Variants in WWOX observed in about 807,000 individuals in gnomAD.
WWOX encodes WW domain containing oxidoreductase.
A neutral mutation model predicts 46.2 loss-of-function variants in WWOX; 69 were observed. That is an observed-to-expected ratio of 1.49 (90% CI 1.23 to 1.82). The LOEUF is 1.82. WWOX is among the 40% of genes most tolerant of loss of function. The probability of loss-of-function intolerance (pLI) is 0.00; values close to 1 mark genes in which losing one functional copy is unlikely to be tolerated. For missense variants in WWOX, 919 were observed against 542.6 expected (o/e 1.69, Z -6.89); for synonymous variants, 359 against 202.6 (o/e 1.77, Z -6.56).
rs1467212017 is a variant in WWOX at position 78,470,544 on chromosome 16, G to A, written c.1056+37792G>A. Reference sequence around the variant, plus strand: ...TGTATGTATGCATGTATGTATGTATGTTTGAGACAGAATCTTGCTCTGTCG... The same window carrying A: ...TGTATGTATGCATGTATGTATGTATATTTGAGACAGAATCTTGCTCTGTCG... On this transcript the variant is annotated intron_variant, in intron 8 of 8. Transcript: ENST00000566780. 2.6e-5 allele frequency among the ~76,000 whole-genome samples: 4 copies of A among 151,960 alleles called. No individual in the cohort carries two copies. The East Asian group carries it at 7.8e-4, about 30-fold the overall frequency.
intron 8 of WWOX, among the ~76,000 whole-genome samples, chr16:78,656,269 G>A (rs1462649248): frequency 6.6e-6 from 1 of 152,080 alleles, no homozygotes; most frequent in Non-Finnish European, 1.5e-5. Flanking sequence ...GCTATCTGAT[G>A]AGGCCTTTTT....
intron 6 of WWOX, among the ~76,000 whole-genome samples, chr16:78,412,233 G>A (rs1004506193): frequency 2.6e-5 from 4 of 152,134 alleles, no homozygotes; most frequent in African/African-American, 4.8e-5. Flanking sequence ...TTGTAATCAG[G>A]TGACTGGTTT....
chr16:78,740,577 A>G (rs1441811275), intron 8 of WWOX, among the ~76,000 whole-genome samples: 1 of 152,174 alleles, frequency 6.6e-6, no homozygotes, highest in Admixed American at 6.5e-5. Context: ...TGGTGTGCAG[A>G]GAGCACTCGT....
chr16:78,865,633 A>G (rs926377464), intron 8 of WWOX, among the ~76,000 whole-genome samples: 4 of 152,110 alleles, frequency 2.6e-5, no homozygotes, highest in Non-Finnish European at 5.9e-5. Context: ...TAATCCCAGC[A>G]CTTTGGGAGG....
chr16:78,300,685 G>T (rs995778489), intron 5 of WWOX, among the ~76,000 whole-genome samples: 4 of 152,088 alleles, frequency 2.6e-5, no homozygotes, highest in African/African-American at 9.7e-5. Flanking sequence ...ACCATTTTCA[G>T]CTATGCCATA....
intron 8 of WWOX, among the ~76,000 whole-genome samples, chr16:78,793,418 T>C (rs9940926): frequency 0.14 from 21,223 of 152,104 alleles, 1,624 homozygotes; most frequent in Non-Finnish European, 0.17. Context: ...ATACGGCTGC[T>C]CTCCACTCAA....
intron 1 of WWOX, among the ~76,000 whole-genome samples, chr16:78,104,333 A>T (rs1737916218): frequency 1.1e-5 from 1 of 90,240 alleles, no homozygotes; most frequent in South Asian, 3.6e-4. Context: ...CAAAAAACAC[A>T]CGCACGCACG....
chr16:78,258,006 G>T (rs947396539), intron 5 of WWOX, among the ~76,000 whole-genome samples: 1 of 152,026 alleles, frequency 6.6e-6, no homozygotes, highest in Admixed American at 6.6e-5. Flanking sequence ...ATATTTAAAT[G>T]CAGCTCATAC....
At chr16:78,542,949 A>G (rs2043933771) in intron 8 of WWOX, among the ~76,000 whole-genome samples, 1 of 152,192 alleles carries the variant, frequency 6.6e-6, no homozygotes, top group Non-Finnish European at 1.5e-5. Flanking sequence ...AAATGAGAGG[A>G]GGAGAGTAGA....
In WWOX at chr16:78,924,166, G is replaced by A. The variant is rs182640678; in HGVS notation, c.1057-287442G>A. ...AAGGCTCTGGTTAGAGAAGCAGAAA[G>A]AAGGCTGGGTAGACCGGGGAAGGTA... is the stretch of plus-strand genomic sequence containing the variant. On this transcript the variant is annotated intron_variant, in intron 8 of 8. Transcript: ENST00000566780. Among the ~76,000 whole-genome samples, 6 of 152,274 alleles carry A rather than the reference G, an allele frequency of 3.9e-5. No individual in the cohort carries two copies. In the East Asian group the frequency reaches 5.8e-4, roughly 15 times the overall value.
intron 8 of WWOX, among the ~76,000 whole-genome samples, chr16:78,810,052 C>G (rs2051146396): frequency 6.6e-6 from 1 of 152,148 alleles, no homozygotes; most frequent in Admixed American, 6.5e-5. Flanking sequence ...TTTTATGCTT[C>G]CTGGTAATCC....
intron 6 of WWOX, among the ~76,000 whole-genome samples, chr16:78,394,576 C>T (rs1452485841): frequency 2.0e-5 from 3 of 152,060 alleles, no homozygotes; most frequent in Non-Finnish European, 4.4e-5. Context: ...CACTCTCTTC[C>T]CAAAAACATC....
At chr16:78,848,882 G>C (rs1474459518) in intron 8 of WWOX, among the ~76,000 whole-genome samples, 3 of 151,502 alleles carry the variant, frequency 2.0e-5, no homozygotes, top group Non-Finnish European at 4.4e-5. Context: ...AATCTATTTA[G>C]CCCAGTTTTT....
Position 78,358,216 on chromosome 16 carries a change from CAAAA to C in WWOX, c.517-28639_517-28636del, listed in dbSNP as rs375469488. ...ATCGAAAGATAACCTCTTGTATTTA[CAAAA>C]AAAAGAAGAAAAAGTGCTGTCATCA... On this transcript the variant is annotated intron_variant, in intron 5 of 8. Transcript: ENST00000566780. 6.1e-3 allele frequency among the ~76,000 whole-genome samples: 919 copies of C among 151,638 alleles called. 12 individuals are homozygous for C. The highest frequency in any genetic ancestry group is 0.02 in the African/African-American group (813 of 41,382).
chr16:79,060,352 G>C (rs908977273), intron 8 of WWOX, among the ~76,000 whole-genome samples: 1 of 152,238 alleles, frequency 6.6e-6, no homozygotes, highest in Non-Finnish European at 1.5e-5. Flanking sequence ...TCTCCAGTGA[G>C]GCTTTTGGCC....
At chr16:78,676,089 A>G (rs2047591909) in intron 8 of WWOX, among the ~76,000 whole-genome samples, 1 of 151,938 alleles carries the variant, frequency 6.6e-6, no homozygotes, top group African/African-American at 2.4e-5. Context: ...ACTACTCCAT[A>G]AGCAAATCTG....
chr16:79,040,356 C>T (rs2047947328), intron 8 of WWOX, among the ~76,000 whole-genome samples: 1 of 150,860 alleles, frequency 6.6e-6, no homozygotes, highest in Admixed American at 6.6e-5. Flanking sequence ...CTCACTGCCA[C>T]CTCTGCCTCC....
At chr16:78,198,711 G>A (rs1192708276) in intron 5 of WWOX, among the ~76,000 whole-genome samples, 1 of 151,928 alleles carries the variant, frequency 6.6e-6, no homozygotes, top group Admixed American at 6.6e-5. Context: ...ATCTTCCCTA[G>A]TTGTATCACC....
chr16:78,354,844 G>C (rs1467254506), intron 5 of WWOX, among the ~76,000 whole-genome samples: 2 of 152,082 alleles, frequency 1.3e-5, no homozygotes, highest in Non-Finnish European at 1.5e-5. Flanking sequence ...ATCAAAAACA[G>C]AGATGACAGC....
Sources: gnomAD v4.1 joint callset for allele counts (sites outside exome capture counted in the v4.1 genomes callset) on GRCh38, gnomAD v4.1.1 for gene constraint, MANE v1.5 for transcripts, NCBI Gene and HGNC (gene_info 2026-07-23, HGNC 2026-07-21) for gene names.